Variants in ZNF630 observed in about 807,000 individuals in gnomAD.
ZNF630 encodes zinc finger protein 630, also known as dJ54B20.2 (novel KRAB box containing C2H2 type zinc finger protein).
A neutral mutation model predicts 7.2 loss-of-function variants in ZNF630; 5 were observed. The observed-to-expected ratio is 0.70, with a 90% confidence interval of 0.36 to 1.46. ZNF630 has a LOEUF of 1.46. Ranked by LOEUF, ZNF630 falls within the 40% of genes most tolerant of loss-of-function variation. The pLI is 0.03. For missense variants in ZNF630, 461 were observed against 477.0 expected (o/e 0.97, Z 0.31); for synonymous variants, 158 against 162.8 (o/e 0.97, Z 0.23).
chrX:48,063,755 GC>G (rs2146505858), intron 2 of ZNF630, among the ~76,000 whole-genome samples: 1 of 110,517 alleles, frequency 9.0e-6, no homozygotes, highest in East Asian at 2.8e-4. Flanking sequence ...GGGCGTGGTG[GC>G]AGGCACTTGT....
Position 48,058,377 on chromosome X carries a change from T to C in ZNF630, c.*91A>G. ...TATACTGAGGAACATATTAGTCTAT[T>C]CTACAGTTGAGAAGTTGTCACTATT... On this transcript the variant is annotated 3_prime_UTR_variant, in exon 5 of 5. Transcript: ENST00000276054. 1 of 907,994 alleles carries C rather than the reference T, an allele frequency of 1.1e-6. No individual in the cohort carries two copies. Among genetic ancestry groups the C allele is most frequent in the Non-Finnish European group, 1.5e-6 (1 of 665,921 alleles). The allele number at this position is 907,994 out of a possible 1,213,427, so 74.8% of individuals were successfully genotyped here.
intron 1 of ZNF630, among the ~76,000 whole-genome samples, chrX:48,067,376 G>A (rs2059135647): frequency 1.8e-5 from 2 of 112,330 alleles, no homozygotes; most frequent in Non-Finnish European, 3.8e-5. Context: ...ATTATCTGAA[G>A]ATATTATTGC....
chrX:48,059,487 A>G lies in ZNF630; in HGVS notation c.955T>C (p.Tyr319His). The G allele has an allele frequency of 2.5e-6, 3 of 1,208,308 alleles. No homozygotes were observed. Among genetic ancestry groups the G allele is most frequent in the Non-Finnish European group, 3.4e-6 (3 of 893,278 alleles). ...HQRIHTGEKP[Y>H]ECTKYGRAFS... The stretch of plus-strand genomic sequence containing the variant: ...GCTCTTCCATACTTAGTACATTCAT[A>G]GGGTTTCTCCCCAGTATGAATCCTC... Residue 319 changes from tyrosine to histidine, a missense_variant, in exon 5 of 5, where the codon TAT (tyrosine) becomes CAT (histidine). Tyr to His is a moderately conservative substitution (Grantham distance 83). Coordinates refer to ENST00000276054, the MANE Select transcript of ZNF630 (RefSeq NM_001282201.2).
chrX:48,069,623 G>A (rs782418283), intron 1 of ZNF630, among the ~76,000 whole-genome samples: 6 of 110,935 alleles, frequency 5.4e-5, no homozygotes, highest in Admixed American at 9.5e-5. Context: ...GGTAGGCCCT[G>A]CTATTATCCT....
chrX:48,067,922 G>A (rs1253554566), intron 1 of ZNF630, among the ~76,000 whole-genome samples: 3 of 110,389 alleles, frequency 2.7e-5, no homozygotes, highest in Non-Finnish European at 5.7e-5. Context: ...TTAGCCAGGC[G>A]TAGTGGTGGG....
Position 48,058,906 on chromosome X carries a change from C to T in ZNF630, c.1536G>A (p.Glu512=). ...CACATTCACCACACTGATAAGGTTT[C>T]TCCCCTGTATGAATTCTCTGGTGTA... ...LIIHQRIHTG[E]KPYQCGECGK... The change falls in exon 5 of 5, where the codon GAG becomes GAA. Residue 512 remains glutamate (E), a synonymous_variant. Coordinates refer to ENST00000276054, the MANE Select transcript of ZNF630 (RefSeq NM_001282201.2). 1 of 1,208,505 alleles carries T rather than the reference C, an allele frequency of 8.3e-7. No individual in the cohort carries two copies. The highest frequency in any genetic ancestry group is 1.1e-6 in the Non-Finnish European group (1 of 893,255).
At chrX:48,065,683 C>CAA (rs200722854) in intron 2 of ZNF630, among the ~76,000 whole-genome samples, 14 of 88,656 alleles carry the variant, frequency 1.6e-4, no homozygotes, top group African/African-American at 4.9e-4. Flanking sequence ...AACTCCATCT[C>CAA]AAAAAAAAAA....
At chrX:48,069,515 A>G (rs1171122312) in intron 1 of ZNF630, among the ~76,000 whole-genome samples, 1 of 111,742 alleles carries the variant, frequency 8.9e-6, no homozygotes, top group East Asian at 2.8e-4. Flanking sequence ...CTTGAGTTCA[A>G]GGAAGATCCA....
At position 48,068,166 on chromosome X, in the gene ZNF630, AGAAGGAAGGAAG is replaced by A. The variant is rs199852662; in HGVS notation, c.-175-1117_-175-1106del. On this transcript the variant is annotated intron_variant, in intron 1 of 4. Coordinates refer to ENST00000276054, the MANE Select transcript of ZNF630 (RefSeq NM_001282201.2). ...CAGGAAGGAAGGGAGGGAGGGAGGA[AGAAGGAAGGAAG>A]GAAGGAAGGAAGGAAGGAAGGAAAG... is the stretch of plus-strand genomic sequence containing the variant. 9.7e-4 allele frequency among the ~76,000 whole-genome samples: 82 copies of A among 84,460 alleles called. 1 individual carries two copies. Among genetic ancestry groups the A allele is most frequent in the Middle Eastern group, 5.7e-3 (1 of 175 alleles). The allele number at this position is 84,460 out of a possible 115,157, so 73.3% of individuals were successfully genotyped here.
chrX:48,061,770 C>T (rs782289491), intron 2 of ZNF630: 1 of 321,671 alleles, frequency 3.1e-6, no homozygotes, highest in East Asian at 1.0e-4. Context: ...TCTCCTGCCA[C>T]CATGTGAAGA....
In ZNF630 at chrX:48,058,621, A is replaced by G. The variant is rs186430232; in HGVS notation, c.1821T>C (p.Thr607=). The G allele has an allele frequency of 4.1e-6, 5 of 1,206,191 alleles. No individual in the cohort carries two copies. The African/African-American group carries it at 7.1e-5, about 17-fold the overall frequency. The change falls in exon 5 of 5, where the codon ACT becomes ACC. Residue 607 remains threonine, a synonymous_variant. Transcript: ENST00000276054. ...KTPECAESGM[T]FFWKSQMITY... ...TAATCATCTGTGATTTCCAGAAAAA[A>G]GTCATTCCAGACTCAGCACATTCAG...
In ZNF630 at chrX:48,058,414, T is replaced by G; in HGVS notation, c.*54A>C. 175 of 1,090,066 alleles carry G rather than the reference T, an allele frequency of 1.6e-4. No individual in the cohort carries two copies. The highest frequency in any genetic ancestry group is 2.0e-4 in the Non-Finnish European group (166 of 820,350). 89.8% of individuals were successfully genotyped at this position (1,090,066 alleles called of 1,213,427 possible). ...AAGTTGTCACTATTTCTATTCAATG[T>G]GAGTTTTCCCATAGACAATGAGGAC... On this transcript the variant is annotated 3_prime_UTR_variant, in exon 5 of 5. Transcript: ENST00000276054.
At chrX:48,066,680 G>A in intron 2 of ZNF630, 192 bp downstream of exon 2, 1 of 450,957 alleles carries the variant, frequency 2.2e-6, no homozygotes, top group South Asian at 3.9e-5. Context: ...GAAGCTGCCA[G>A]TCAAAATGTT....
At position 48,057,650 on chromosome X, in the gene ZNF630, A is replaced by C. The variant is rs1283946254; in HGVS notation, c.*818T>G. On this transcript the variant is annotated 3_prime_UTR_variant, in exon 5 of 5. Transcript: ENST00000276054. ...AGGAAATTAATCATGAGACTACTTT[A>C]CCCAAAATTATGCAAATATATTAAG... 2.7e-5 allele frequency among the ~76,000 whole-genome samples: 3 copies of C among 111,574 alleles called. No individual in the cohort carries two copies. Among genetic ancestry groups the C allele is most frequent in the Non-Finnish European group, 5.6e-5 (3 of 53,111 alleles).
In ZNF630 at chrX:48,057,777, C is replaced by G. The variant is rs1046028120; in HGVS notation, c.*691G>C. ...TCTCAATCTAAATGCATATATAGGT[C>G]AGGTGCTGTGGCTCATGCCTGTAAT... On this transcript the variant is annotated 3_prime_UTR_variant, in exon 5 of 5. Transcript: ENST00000276054. Among the ~76,000 whole-genome samples the G allele has an allele frequency of 9.0e-6, 1 of 111,101 alleles. No homozygotes were observed. Among genetic ancestry groups the G allele is most frequent in the Non-Finnish European group, 1.9e-5 (1 of 52,950 alleles).
Position 48,059,925 on chromosome X carries a change from G to T in ZNF630, c.517C>A (p.Gln173Lys). The T allele has an allele frequency of 8.3e-7, 1 of 1,207,771 alleles. No individual in the cohort carries two copies. The highest frequency in any genetic ancestry group is 1.1e-6 in the Non-Finnish European group (1 of 893,159). The change falls in exon 5 of 5, where the codon CAA becomes AAA. Residue 173 changes from glutamine (Q) to lysine (K), a missense_variant. Physicochemically the swap from Gln to Lys is moderately conservative, Grantham distance 53. Transcript: ENST00000276054. ...CATGAATCAAACTTATGGAATTTTT[G>T]ACTTAAAGGAGCAAGGTCTGTGCAC... is the stretch of plus-strand genomic sequence containing the variant. ...NRCTDLAPLSQKFHKFDSCEN... is the reference protein window; with the variant it reads ...NRCTDLAPLSKKFHKFDSCEN...
rs1603238419 is a variant in ZNF630, at chrX:48,070,817, C to T, written c.-176+450G>A. 3.4e-5 allele frequency among the ~76,000 whole-genome samples: 3 copies of T among 87,226 alleles called. No homozygotes were observed. In the Admixed American group the frequency reaches 3.7e-4, roughly 11 times the overall value. 75.7% of individuals were successfully genotyped at this position (87,226 alleles called of 115,157 possible). ...GGACTTCTCCATCGGAATGTGGACA[C>T]CACAGGAGCAGAGATTTTTGTTCAT... On this transcript the variant is annotated intron_variant, in intron 1 of 4. Transcript: ENST00000276054.
rs781787854 is a variant in ZNF630 at position 48,060,493 on chromosome X, G to C, written c.195C>G (p.Asp65Glu). 3.3e-6 allele frequency: 4 copies of C among 1,206,831 alleles called. No homozygotes were observed. In the East Asian group the frequency reaches 8.9e-5, roughly 27 times the overall value. Residue 65 changes from aspartate to glutamate, a missense_variant, in exon 4 of 5, where the codon GAC (aspartate) becomes GAG (glutamate). Coordinates refer to ENST00000276054, the MANE Select transcript of ZNF630 (RefSeq NM_001282201.2). ...DVIFKLEHGKDPWIIESELSR... is the reference protein window; with the variant it reads ...DVIFKLEHGKEPWIIESELSR... ...ACAACTCACTCTCTATGATCCATGG[G>C]TCCTTTCCATGTTCCAACTTAAAGA...
In ZNF630 at chrX:48,060,421, G is replaced by A. The variant is rs191627455; in HGVS notation, c.238+29C>T. ...GATGTCAAGGAAGAAGAAGATGCCC[G>A]CTTGACCATGTACCCAATTCTCACT... On this transcript the variant is annotated intron_variant, in intron 4 of 4. Coordinates refer to ENST00000276054, the MANE Select transcript of ZNF630 (RefSeq NM_001282201.2). 3.7e-4 allele frequency: 425 copies of A among 1,144,781 alleles called. 3 individuals are homozygous for A. Among genetic ancestry groups the A allele is most frequent in the Admixed American group, 1.2e-3 (50 of 40,254 alleles). The allele number at this position is 1,144,781 out of a possible 1,213,427, so 94.3% of individuals were successfully genotyped here. A position where few individuals can be genotyped will look rare whatever the true frequency, so the allele number is the denominator to read the frequency against.
Sources: allele counts gnomAD v4.1 joint callset (sites outside exome capture counted in the v4.1 genomes callset), GRCh38; gene constraint gnomAD v4.1.1; transcripts MANE v1.5; gene names NCBI Gene and HGNC (gene_info 2026-07-23, HGNC 2026-07-21).